The following HDAC9 variants were observed in gnomAD, a reference collection of about 807,000 sequenced individuals.
HDAC9 encodes the protein MEF-2 interacting transcription repressor (MITR) protein.
Under a neutral mutation model 139.4 loss-of-function variants are expected in HDAC9, and 41 were observed. That is an observed-to-expected ratio of 0.29 (90% CI 0.23 to 0.38). HDAC9 has a LOEUF of 0.38. Ranked by LOEUF, HDAC9 falls within the 10% of genes least tolerant of loss-of-function variation. The probability of loss-of-function intolerance (pLI) is 1.00; values close to 1 mark genes in which losing one functional copy is unlikely to be tolerated. For synonymous variants in HDAC9, 517 were observed against 476.2 expected, an observed-to-expected ratio of 1.09 and a Z score of -1.12; for missense variants, 1,147 against 1,297.0, an observed-to-expected ratio of 0.88 and a Z score of 1.78.
intron 2 of HDAC9, among the ~76,000 whole-genome samples, chr7:18,501,183 G>A (rs1467623368): frequency 6.6e-6 from 1 of 152,072 alleles, no homozygotes; most frequent in Non-Finnish European, 1.5e-5. Context: ...TCAAAGTAAC[G>A]AGGGAACACT....
Position 18,999,829 on chromosome 7 carries a change from T to A in HDAC9, c.*3767T>A, listed in dbSNP as rs554087889. 6.6e-6 allele frequency: 1 copy of A among 152,138 alleles called. No individual in the cohort carries two copies. The highest frequency in any genetic ancestry group is 2.4e-5 in the African/African-American group (1 of 41,454). 9.4% of individuals were successfully genotyped at this position (152,138 alleles called of 1,614,324 possible). ...CTCTGTCGAATGTTTACTCTCATCT[T>A]ATCTCAATGAAAGAAGTATTAAAAG... On this transcript the variant is annotated 3_prime_UTR_variant, in exon 26 of 26. Coordinates refer to ENST00000686413, the MANE Select transcript of HDAC9 (RefSeq NM_178425.4).
At chr7:18,839,195 T>C (rs927194988) in intron 21 of HDAC9, among the ~76,000 whole-genome samples, 2 of 152,022 alleles carry the variant, frequency 1.3e-5, no homozygotes, top group Non-Finnish European at 1.5e-5. Context: ...ATTATGACTA[T>C]TTTTATTGGG....
At chr7:18,404,937 G>C (rs970839830) in intron 1 of HDAC9, among the ~76,000 whole-genome samples, 15 of 152,210 alleles carry the variant, frequency 9.9e-5, no homozygotes, top group African/African-American at 3.1e-4. Flanking sequence ...CAGGGAACCA[G>C]CCCTGGGCAG....
chr7:18,547,876 C>CCTCCCTCCCTCT lies in HDAC9; in HGVS notation c.23-37398_23-37397insCCTCTCTCCCTC, dbSNP rs1554488922. On this transcript the variant is annotated intron_variant, in intron 2 of 25. Coordinates refer to ENST00000686413, the MANE Select transcript of HDAC9 (RefSeq NM_178425.4). ...CCTTCCTACCCTCCCTCCCTCCCTC[C>CCTCCCTCCCTCT]CTCCCTCTCTCCCTCTCTCCCTCTC... Among the ~76,000 whole-genome samples, 233 of 132,008 alleles carry CCTCCCTCCCTCT rather than the reference C, an allele frequency of 1.8e-3. 3 individuals carry two copies. The highest frequency in any genetic ancestry group is 6.3e-3 in the African/African-American group (225 of 35,498). 86.6% of individuals were successfully genotyped at this position (132,008 alleles called of 152,430 possible). A position where few individuals can be genotyped will look rare whatever the true frequency, so the allele number is the denominator to read the frequency against.
chr7:18,143,010 C>T (rs922456646), intron 1 of HDAC9, among the ~76,000 whole-genome samples: 1 of 152,182 alleles, frequency 6.6e-6, no homozygotes, highest in Non-Finnish European at 1.5e-5. Context: ...CCTTCAGTTC[C>T]ATCCTTGGAT....
chr7:18,158,148 G>C (rs193024339), intron 1 of HDAC9, among the ~76,000 whole-genome samples: 227 of 152,192 alleles, frequency 1.5e-3, no homozygotes, highest in African/African-American at 5.2e-3. Flanking sequence ...TTTTTTAGTA[G>C]CACACTATCC....
intron 2 of HDAC9, among the ~76,000 whole-genome samples, chr7:18,507,541 C>T (rs1255408550): frequency 6.6e-6 from 1 of 151,966 alleles, no homozygotes; most frequent in African/African-American, 2.4e-5. Context: ...GTTGCCCAGG[C>T]TAGAGTGCAA....
chr7:18,636,718 A>G (rs1176570905), intron 8 of HDAC9, among the ~76,000 whole-genome samples: 1 of 152,070 alleles, frequency 6.6e-6, no homozygotes. Flanking sequence ...AGCAGATGGA[A>G]TAAATACTTT....
At chr7:18,615,733 TA>T (rs1838397483) in intron 6 of HDAC9, among the ~76,000 whole-genome samples, 1 of 152,198 alleles carries the variant, frequency 6.6e-6, no homozygotes, top group Non-Finnish European at 1.5e-5. Flanking sequence ...TACAGCCCAG[TA>T]AAATCTGATC....
chr7:18,644,802 T>C lies in HDAC9; in HGVS notation c.1035+9T>C. On this transcript the variant is annotated intron_variant, in intron 9 of 25. Coordinates refer to ENST00000686413, the MANE Select transcript of HDAC9 (RefSeq NM_178425.4). ...TGCCATCCCAGCTCAATGTAAGTCA[T>C]TGCACAGCATCAGCCTTAATCAACC... 2 of 1,608,098 alleles carry C rather than the reference T, an allele frequency of 1.2e-6. No individual in the cohort carries two copies. Among genetic ancestry groups the C allele is most frequent in the East Asian group, 2.2e-5 (1 of 44,602 alleles).
At chr7:18,836,466 C>G (rs931167742) in intron 21 of HDAC9, among the ~76,000 whole-genome samples, 1 of 152,142 alleles carries the variant, frequency 6.6e-6, no homozygotes, top group Non-Finnish European at 1.5e-5. Flanking sequence ...CCAAGGCAAT[C>G]TCATTTGATG....
chr7:18,619,409 C>T (rs201729130), intron 6 of HDAC9, among the ~76,000 whole-genome samples: 8 of 152,106 alleles, frequency 5.3e-5, no homozygotes, highest in Non-Finnish European at 1.0e-4. Flanking sequence ...CCCATCGAGC[C>T]TATGTTCTTG....
chr7:18,151,067 A>ATT (rs550736101), intron 1 of HDAC9, among the ~76,000 whole-genome samples: 45 of 149,434 alleles, frequency 3.0e-4, no homozygotes, highest in African/African-American at 9.5e-4. Flanking sequence ...ATATATATGC[A>ATT]TTTTTTTTTT....
chr7:18,826,105 G>GAA (rs1562967988), intron 17 of HDAC9, among the ~76,000 whole-genome samples: 9 of 152,254 alleles, frequency 5.9e-5, no homozygotes, highest in Middle Eastern at 3.4e-3. Flanking sequence ...CTTCTCTAGT[G>GAA]TGACAGAGAA....
At chr7:18,597,503 T>C (rs1832822411) in intron 6 of HDAC9, among the ~76,000 whole-genome samples, 1 of 152,170 alleles carries the variant, frequency 6.6e-6, no homozygotes, top group Non-Finnish European at 1.5e-5. Flanking sequence ...GATAATAAAC[T>C]ATGAAGTAGG....
chr7:18,456,669 C>T (rs1316143656), intron 1 of HDAC9, among the ~76,000 whole-genome samples: 1 of 152,146 alleles, frequency 6.6e-6, no homozygotes, highest in East Asian at 1.9e-4. Flanking sequence ...TTTGGCCTCT[C>T]TATTTCAGTT....
chr7:18,510,093 T>C (rs1006088839), intron 2 of HDAC9, among the ~76,000 whole-genome samples: 1 of 152,180 alleles, frequency 6.6e-6, no homozygotes, highest in Non-Finnish European at 1.5e-5. Context: ...ATTTGAAAAA[T>C]GTAGACATTT....
chr7:18,145,373 T>G (rs1786233922), intron 1 of HDAC9, among the ~76,000 whole-genome samples: 1 of 152,194 alleles, frequency 6.6e-6, no homozygotes, highest in South Asian at 2.1e-4. Flanking sequence ...TGCAGTTATA[T>G]GGTTTCAAGT....
At chr7:18,139,511 C>T (rs1785727776) in intron 1 of HDAC9, among the ~76,000 whole-genome samples, 1 of 152,232 alleles carries the variant, frequency 6.6e-6, no homozygotes, top group South Asian at 2.1e-4. Context: ...ACTACGTTTG[C>T]TATTCCTTTT....
Sources: allele counts gnomAD v4.1 joint callset (sites outside exome capture counted in the v4.1 genomes callset), GRCh38; gene constraint gnomAD v4.1.1; transcripts MANE v1.5; gene names NCBI Gene and HGNC (gene_info 2026-07-23, HGNC 2026-07-21).